The following GALNT10 variants were observed in gnomAD, a reference collection of about 807,000 sequenced individuals.
GALNT10 encodes the protein polypeptide N-acetylgalactosaminyltransferase 10.
In GALNT10, 41 loss-of-function variants were observed where a neutral mutation model predicts 75.0. The observed-to-expected ratio is 0.55, with a 90% CI of 0.43 to 0.71. GALNT10 has a LOEUF of 0.71. Among genes scored for constraint, GALNT10 ranks in the 30% least tolerant of loss-of-function variants. The pLI is 0.00. For missense variants in GALNT10, 727 were observed against 818.5 expected (o/e 0.89, Z 1.36); for synonymous variants, 302 against 313.0 (o/e 0.96, Z 0.37).
intron 1 of GALNT10, among the ~76,000 whole-genome samples, chr5:154,283,219 C>T (rs978117508): frequency 3.5e-5 from 5 of 144,544 alleles, no homozygotes; most frequent in East Asian, 2.1e-4. Context: ...CCAGGTGGGA[C>T]GATCACCTAA....
At chr5:154,244,981 G>A (rs945512115) in intron 1 of GALNT10, among the ~76,000 whole-genome samples, 9 of 152,212 alleles carry the variant, frequency 5.9e-5, no homozygotes, top group African/African-American at 2.2e-4. Flanking sequence ...ATCACCAGGG[G>A]CCTGTGGGTT....
chr5:154,327,945 A>G (rs923726106), intron 3 of GALNT10, among the ~76,000 whole-genome samples: 11 of 152,302 alleles, frequency 7.2e-5, no homozygotes, highest in Non-Finnish European at 1.2e-4. Context: ...AGATCTAACT[A>G]CCAGTTTACA....
chr5:154,270,853 G>A (rs1253908100), intron 1 of GALNT10, among the ~76,000 whole-genome samples: 1 of 152,066 alleles, frequency 6.6e-6, no homozygotes, highest in Non-Finnish European at 1.5e-5. Flanking sequence ...AATTAGCTGG[G>A]AGTGGTGGCG....
At chr5:154,306,828 A>G (rs913861911) in intron 3 of GALNT10, among the ~76,000 whole-genome samples, 4 of 152,226 alleles carry the variant, frequency 2.6e-5, no homozygotes, top group African/African-American at 9.6e-5. Flanking sequence ...GGTAATACAG[A>G]TAGACAGAAA....
chr5:154,393,282 C>A (rs1468966089), intron 7 of GALNT10, among the ~76,000 whole-genome samples: 2 of 152,058 alleles, frequency 1.3e-5, no homozygotes, highest in Non-Finnish European at 2.9e-5. Flanking sequence ...ATATGTTGCC[C>A]AGGCTGGTCT....
chr5:154,414,663 T>G (rs1246401251), intron 10 of GALNT10, among the ~76,000 whole-genome samples: 1 of 151,958 alleles, frequency 6.6e-6, no homozygotes, highest in Non-Finnish European at 1.5e-5. Flanking sequence ...TTACCTTGAT[T>G]ATGATGATGG....
chr5:154,409,576 G>A lies in GALNT10; in HGVS notation c.1200G>A (p.Glu400=). 6.2e-7 allele frequency: 1 copy of A among 1,613,830 alleles called. No individual in the cohort carries two copies. The highest frequency in any genetic ancestry group is 8.5e-7 in the Non-Finnish European group (1 of 1,179,718). ...LKRVAEVWMD[E]YAEYIYQRRP... is the part of the protein sequence containing the mutation. The stretch of plus-strand genomic sequence containing the variant: ...GGGTGGCCGAAGTGTGGATGGATGA[G>A]TACGCAGAGTACATTTACCAGCGCC... The change falls in exon 9 of 12, where the codon GAG becomes GAA. Residue 400 remains glutamate, a synonymous_variant. Coordinates refer to ENST00000297107, the MANE Select transcript of GALNT10 (RefSeq NM_198321.4). The surrounding 1 kb of genome is among the most constrained non-coding windows in gnomAD (Gnocchi z 4.5).
intron 1 of GALNT10, among the ~76,000 whole-genome samples, chr5:154,215,825 A>G (rs1200783273): frequency 6.6e-6 from 1 of 152,108 alleles, no homozygotes; most frequent in Non-Finnish European, 1.5e-5. Context: ...GAAGCTACTG[A>G]GTTATTAGGG....
At chr5:154,239,859 C>T (rs73293361) in intron 1 of GALNT10, among the ~76,000 whole-genome samples, 1,571 of 152,342 alleles carry the variant, frequency 0.01, 26 homozygotes, top group African/African-American at 0.036. Flanking sequence ...AGACCTTCTG[C>T]TCATAGATTG....
At chr5:154,397,449 C>T (rs1225565422) in intron 7 of GALNT10, among the ~76,000 whole-genome samples, 1 of 152,158 alleles carries the variant, frequency 6.6e-6, no homozygotes, top group Admixed American at 6.5e-5. Context: ...TACATTACCT[C>T]ATTTTAGCCT....
intron 1 of GALNT10, among the ~76,000 whole-genome samples, chr5:154,239,067 C>G: frequency 6.6e-6 from 1 of 152,194 alleles, no homozygotes; most frequent in East Asian, 1.9e-4. Flanking sequence ...TAGTGCTTCT[C>G]TTTACCTCAC....
intron 3 of GALNT10, among the ~76,000 whole-genome samples, chr5:154,306,933 A>G (rs1754443757): frequency 6.6e-6 from 1 of 152,234 alleles, no homozygotes; most frequent in Admixed American, 6.5e-5. Flanking sequence ...CAGAATACAC[A>G]TTATTTTCAA....
intron 1 of GALNT10, among the ~76,000 whole-genome samples, chr5:154,244,567 C>T (rs1343518186): frequency 6.6e-6 from 1 of 152,124 alleles, no homozygotes; most frequent in Non-Finnish European, 1.5e-5. Context: ...GAGTTCAGTG[C>T]TTATCCGTGT....
chr5:154,311,291 A>T (rs1387947831), intron 3 of GALNT10, among the ~76,000 whole-genome samples: 2 of 152,194 alleles, frequency 1.3e-5, no homozygotes, highest in Non-Finnish European at 2.9e-5. Flanking sequence ...GTTGTATCTT[A>T]CTTGTTCCTA....
intron 8 of GALNT10, among the ~76,000 whole-genome samples, chr5:154,407,259 G>A (rs1756300829): frequency 1.3e-5 from 2 of 152,104 alleles, no homozygotes; most frequent in African/African-American, 4.8e-5. Context: ...TGAGAGTAGA[G>A]GTATGAGGAG....
intron 1 of GALNT10, among the ~76,000 whole-genome samples, chr5:154,290,158 CGCG>C (rs1312456196): frequency 6.7e-6 from 1 of 149,126 alleles, no homozygotes. Flanking sequence ...GTTGCACAAT[CGCG>C]GCTCACCACA....
In GALNT10 at chr5:154,393,633, G is replaced by C. The variant is rs542125292; in HGVS notation, c.1056+7203G>C. Among the ~76,000 whole-genome samples the C allele has an allele frequency of 1.2e-4, 18 of 152,206 alleles. No homozygotes were observed. The South Asian group carries it at 3.7e-3, about 32-fold the overall frequency. ...GTATTGCTTGAGCCCAAAAGTTCAA[G>C]ACCAGCTTTGGGCAACACAGTGAGA... On this transcript the variant is annotated intron_variant, in intron 7 of 11. Coordinates refer to ENST00000297107, the MANE Select transcript of GALNT10 (RefSeq NM_198321.4).
intron 4 of GALNT10, among the ~76,000 whole-genome samples, chr5:154,369,068 G>T (rs1432044683): frequency 1.3e-5 from 2 of 152,216 alleles, no homozygotes; most frequent in Admixed American, 1.3e-4. Flanking sequence ...TGTCACAAGA[G>T]AGTGGTCACT....
At chr5:154,203,279 CG>C in intron 1 of GALNT10, among the ~76,000 whole-genome samples, 1 of 152,188 alleles carries the variant, frequency 6.6e-6, no homozygotes, top group South Asian at 2.1e-4. Flanking sequence ...CCATAGTCTC[CG>C]TGATGTGTGT....
Sources: gnomAD v4.1 joint callset for allele counts (sites outside exome capture counted in the v4.1 genomes callset) on GRCh38, gnomAD v4.1.1 for gene constraint, Gnocchi (gnomAD v3.1) non-coding constraint, MANE v1.5 for transcripts, NCBI Gene and HGNC (gene_info 2026-07-23, HGNC 2026-07-21) for gene names.